The following MEI4 variants were observed in gnomAD, a reference collection of about 807,000 sequenced individuals.
The protein encoded by MEI4 is meiosis-specific protein MEI4.
A neutral mutation model predicts 31.4 loss-of-function variants in MEI4; 27 were observed. The ratio of observed to expected loss-of-function variants is 0.86; its 90% CI spans 0.63 to 1.19. The LOEUF is 1.19. MEI4 is among the 50% of genes most tolerant of loss of function. The probability of loss-of-function intolerance (pLI) is 0.00; values close to 1 mark genes in which losing one functional copy is unlikely to be tolerated. For missense variants in MEI4, 329 were observed against 398.9 expected, an observed-to-expected ratio of 0.82 and a Z score of 1.49; for synonymous variants, 122 against 145.4, an observed-to-expected ratio of 0.84 and a Z score of 1.16.
At chr6:77,703,503 G>T (rs1766267446) in intron 2 of MEI4, among the ~76,000 whole-genome samples, 1 of 151,608 alleles carries the variant, frequency 6.6e-6, no homozygotes, top group Non-Finnish European at 1.5e-5. Context: ...ATTTTTTTTT[G>T]GAATAGCTTA....
chr6:77,779,906 G>T (rs1414185070), intron 3 of MEI4, among the ~76,000 whole-genome samples: 1 of 152,186 alleles, frequency 6.6e-6, no homozygotes, highest in Non-Finnish European at 1.5e-5. Context: ...ATAGGCATTT[G>T]AAATTATTGG....
chr6:77,788,937 T>C (rs4708368), intron 3 of MEI4, among the ~76,000 whole-genome samples: 46,736 of 151,874 alleles, frequency 0.31, 7,377 homozygotes, highest in East Asian at 0.48. Context: ...AAAGAGCCCC[T>C]ATTGCCAAGT....
At chr6:77,794,329 C>T (rs568881210) in intron 3 of MEI4, among the ~76,000 whole-genome samples, 14 of 152,168 alleles carry the variant, frequency 9.2e-5, no homozygotes, top group African/African-American at 2.6e-4. Context: ...TTTGGGAGGC[C>T]GAGGCGGGTG....
intron 2 of MEI4, among the ~76,000 whole-genome samples, chr6:77,714,666 A>G (rs1766540501): frequency 6.6e-6 from 1 of 152,194 alleles, no homozygotes; most frequent in African/African-American, 2.4e-5. Context: ...TCTATTGTGC[A>G]CCCAGAATTT....
intron 3 of MEI4, among the ~76,000 whole-genome samples, chr6:77,821,799 CAAAAA>C (rs34905460): frequency 1.1e-5 from 1 of 93,036 alleles, no homozygotes. Context: ...GCCATCTCTC[CAAAAA>C]AAAAAAAAAA....
chr6:77,663,696 G>T (rs1768559508), intron 1 of MEI4, among the ~76,000 whole-genome samples: 1 of 152,276 alleles, frequency 6.6e-6, no homozygotes, highest in South Asian at 2.1e-4. Flanking sequence ...ATGTAATGTG[G>T]AGTGGGTAGC....
intron 4 of MEI4, among the ~76,000 whole-genome samples, chr6:77,872,703 T>C (rs1372349128): frequency 6.8e-6 from 1 of 146,440 alleles, no homozygotes; most frequent in Non-Finnish European, 1.5e-5. Flanking sequence ...TAGCATTAGG[T>C]ATATCTCCTA....
chr6:77,898,986 T>G (rs1766137073), intron 4 of MEI4, among the ~76,000 whole-genome samples: 1 of 152,012 alleles, frequency 6.6e-6, no homozygotes, highest in Non-Finnish European at 1.5e-5. Flanking sequence ...CAACCATCCT[T>G]TGTGAGTATA....
intron 4 of MEI4, among the ~76,000 whole-genome samples, chr6:77,868,895 A>G (rs1175193768): frequency 6.6e-6 from 1 of 151,970 alleles, no homozygotes; most frequent in Non-Finnish European, 1.5e-5. Flanking sequence ...CTGAAGTAGA[A>G]AAGAAGAGAT....
At chr6:77,917,037 T>C (rs1368205807) in intron 4 of MEI4, among the ~76,000 whole-genome samples, 1 of 151,338 alleles carries the variant, frequency 6.6e-6, no homozygotes, top group Non-Finnish European at 1.5e-5. Context: ...TTTTTGTTCT[T>C]GCGATAGTTT....
chr6:77,840,699 T>C (rs947321071), intron 4 of MEI4, among the ~76,000 whole-genome samples: 2 of 152,308 alleles, frequency 1.3e-5, no homozygotes, highest in East Asian at 1.9e-4. Context: ...TTGATGGTGA[T>C]TGGGCTTCTA....
At chr6:77,884,728 C>A (rs1471461588) in intron 4 of MEI4, among the ~76,000 whole-genome samples, 2 of 152,124 alleles carry the variant, frequency 1.3e-5, no homozygotes, top group African/African-American at 4.8e-5. Flanking sequence ...CGTTTTTATA[C>A]CAATACCATT....
intron 2 of MEI4, among the ~76,000 whole-genome samples, chr6:77,744,724 G>T (rs571219767): frequency 6.6e-6 from 1 of 151,720 alleles, no homozygotes; most frequent in African/African-American, 2.4e-5. Context: ...AGAGAGAAAG[G>T]TATGGTTACC....
Position 77,802,006 on chromosome 6 carries a change from T to C in MEI4, c.769-26925T>C, listed in dbSNP as rs183341382. On this transcript the variant is annotated intron_variant, in intron 3 of 4. Transcript: ENST00000684080. ...TAGGTCCGCTTGGTGAAGAGCTGAG[T>C]TCAGTTCCTGGATATCCTTGTTAAC... Among the ~76,000 whole-genome samples the C allele has an allele frequency of 5.2e-3, 789 of 152,286 alleles. 7 individuals are homozygous for C. Among genetic ancestry groups the C allele is most frequent in the African/African-American group, 0.019 (769 of 41,548 alleles).
chr6:77,926,713 T>C lies in MEI4; in HGVS notation c.*3367T>C, dbSNP rs138897580. ...TTCATCAAATATGAAGCACCAATTG[T>C]CTACAAACCAATTATTTGCAAAAAT... On this transcript the variant is annotated 3_prime_UTR_variant, in exon 5 of 5. Coordinates refer to ENST00000684080, the MANE Select transcript of MEI4 (RefSeq NM_001322247.2). The C allele has an allele frequency of 2.0e-5, 3 of 151,920 alleles. No individual in the cohort carries two copies. The highest frequency in any genetic ancestry group is 4.8e-5 in the African/African-American group (2 of 41,414). The allele number at this position is 151,920 out of a possible 1,614,324, so 9.4% of individuals were successfully genotyped here.
intron 4 of MEI4, among the ~76,000 whole-genome samples, chr6:77,898,118 G>A (rs187380809): frequency 3.1e-4 from 47 of 152,088 alleles, no homozygotes; most frequent in African/African-American, 1.1e-3. Flanking sequence ...ATGCTCTACT[G>A]CATTGGGCTC....
chr6:77,876,356 G>C (rs1165219108), intron 4 of MEI4, among the ~76,000 whole-genome samples: 2 of 152,100 alleles, frequency 1.3e-5, no homozygotes, highest in African/African-American at 4.8e-5. Flanking sequence ...AATTATCATA[G>C]GAGTGAGTTC....
At chr6:77,869,548 A>G (rs1423085454) in intron 4 of MEI4, among the ~76,000 whole-genome samples, 1 of 152,112 alleles carries the variant, frequency 6.6e-6, no homozygotes, top group Non-Finnish European at 1.5e-5. Context: ...CTGCAAGTCA[A>G]GGAGAGAGGG....
intron 4 of MEI4, among the ~76,000 whole-genome samples, chr6:77,858,645 C>T (rs531566511): frequency 2.6e-5 from 4 of 152,078 alleles, no homozygotes; most frequent in African/African-American, 9.6e-5. Flanking sequence ...GTTAGGAAGG[C>T]GTGTTTACTG....
Sources: allele counts gnomAD v4.1 joint callset (sites outside exome capture counted in the v4.1 genomes callset), GRCh38; gene constraint gnomAD v4.1.1; transcripts MANE v1.5; gene names NCBI Gene and HGNC (gene_info 2026-07-23, HGNC 2026-07-21).